Variants in UTRN observed in about 807,000 individuals in gnomAD.
UTRN encodes the protein dystrophin-related protein 1.
Under a neutral mutation model 463.9 loss-of-function variants are expected in UTRN, and 283 were observed. That is an observed-to-expected ratio of 0.61 (90% CI 0.55 to 0.67). The LOEUF (loss-of-function observed/expected upper bound fraction) is 0.67, where lower values mean the gene tolerates loss of function less well. UTRN is among the 30% of genes least tolerant of loss of function. UTRN has a pLI of 0.00. For synonymous variants in UTRN, 1,442 were observed against 1,431.5 expected, an observed-to-expected ratio of 1.01 and a Z score of -0.17; for missense variants, 3,922 against 4,084.3, an observed-to-expected ratio of 0.96 and a Z score of 1.08.
chr6:144,328,003 G>A (rs1776082798), intron 2 of UTRN, among the ~76,000 whole-genome samples: 1 of 152,046 alleles, frequency 6.6e-6, no homozygotes, highest in African/African-American at 2.4e-5. Context: ...GAAGTTAGAT[G>A]GGGCTGAATT....
In UTRN at chr6:144,824,806, C is replaced by T. The variant is rs147049603; in HGVS notation, c.9495-2542C>T. Among the ~76,000 whole-genome samples, 19 of 148,060 alleles carry T rather than the reference C, an allele frequency of 1.3e-4. 1 individual carries two copies. In the East Asian group the frequency reaches 3.0e-3, roughly 23 times the overall value. On this transcript the variant is annotated intron_variant, in intron 66 of 74. Transcript: ENST00000367545. ...GGTGTCCCCCCAGCGTTAAGAATGACGCTGAATGATCTGGCTCCAGACATA... is the reference window on the plus strand; with the variant it reads ...GGTGTCCCCCCAGCGTTAAGAATGATGCTGAATGATCTGGCTCCAGACATA...
Position 144,751,891 on chromosome 6 carries a change from A to G in UTRN, c.8294A>G (p.His2765Arg). The change falls in exon 56 of 75, where the codon CAT becomes CGT. Residue 2765 changes from histidine (H) to arginine (R), a missense_variant. This residue lies in a region of UTRN where 1,309 missense variants were observed against 1,452.6 expected (regional missense o/e 0.90). Transcript: ENST00000367545. ...AGTCAGCTGTCTCCACTTGACCTGC[A>G]TCCCTCTCTAAAGATGTCTCGCCAG... is the stretch of plus-strand genomic sequence containing the variant. The part of the protein sequence containing the change: ...LSSQLSPLDL[H>R]PSLKMSRQLD... The G allele has an allele frequency of 6.2e-7, 1 of 1,612,662 alleles. No individual in the cohort carries two copies. Among genetic ancestry groups the G allele is most frequent in the South Asian group, 1.1e-5 (1 of 90,884 alleles).
intron 18 of UTRN, 139 bp from the exon 19 acceptor site, chr6:144,453,643 G>A (rs1788544822): frequency 1.7e-6 from 1 of 598,864 alleles, no homozygotes. Flanking sequence ...ATGCTTTTTA[G>A]TTGCTATGAT....
rs370819800 is a variant in UTRN, at chr6:144,503,097, T to A, written c.4764+3670T>A. Among the ~76,000 whole-genome samples, 226 of 152,258 alleles carry A rather than the reference T, an allele frequency of 1.5e-3. 2 individuals carry two copies. Among genetic ancestry groups the A allele is most frequent in the African/African-American group, 5.1e-3 (214 of 41,554 alleles). On this transcript the variant is annotated intron_variant, in intron 34 of 74. Transcript: ENST00000367545. ...TCCTTCACCTACTTTTTGATGGAGTTGTTTGTTTTTTTCTTGTAAATTTGT... is the reference window on the plus strand; with the variant it reads ...TCCTTCACCTACTTTTTGATGGAGTAGTTTGTTTTTTTCTTGTAAATTTGT...
At position 144,832,832 on chromosome 6, in the gene UTRN, G is replaced by A. The variant is rs1015328105; in HGVS notation, c.9666-2948G>A. 4.0e-5 allele frequency among the ~76,000 whole-genome samples: 6 copies of A among 151,622 alleles called. No individual in the cohort carries two copies. In the South Asian group the frequency reaches 1.3e-3, roughly 32 times the overall value. On this transcript the variant is annotated intron_variant, in intron 69 of 74. Coordinates refer to ENST00000367545, the MANE Select transcript of UTRN (RefSeq NM_007124.3). Reference sequence around the variant, plus strand: ...TTTGTTTTGTTTGTTGTTTTGTTTTGTTTTTGAGACAGAGTCTCACTCTGT... The same window carrying A: ...TTTGTTTTGTTTGTTGTTTTGTTTTATTTTTGAGACAGAGTCTCACTCTGT...
intron 15 of UTRN, 49 bp downstream of exon 15, chr6:144,447,367 A>G: frequency 6.4e-7 from 1 of 1,552,482 alleles, no homozygotes; most frequent in Non-Finnish European, 8.8e-7. Flanking sequence ...ATGATATCTT[A>G]ATGTTTTATA....
At chr6:144,544,840 T>A (rs543412080) in intron 46 of UTRN, among the ~76,000 whole-genome samples, 5 of 152,212 alleles carry the variant, frequency 3.3e-5, no homozygotes, top group Non-Finnish European at 4.4e-5. Flanking sequence ...CCTCCACTTA[T>A]GCATAGGATC....
At chr6:144,382,793 G>T (rs1040416383) in intron 2 of UTRN, among the ~76,000 whole-genome samples, 1 of 152,162 alleles carries the variant, frequency 6.6e-6, no homozygotes, top group Non-Finnish European at 1.5e-5. Flanking sequence ...TTTAATAAAT[G>T]TCAGTTTTAT....
At position 144,835,350 on chromosome 6, in the gene UTRN, A is replaced by G. The variant is rs891128169; in HGVS notation, c.9666-430A>G. ...ACATAAGGATTATAAACCTTGTCAT[A>G]TGGGTTACAAAGCATTTCAAAGTTA... is the stretch of plus-strand genomic sequence containing the variant. On this transcript the variant is annotated intron_variant, in intron 69 of 74. Transcript: ENST00000367545. Among the ~76,000 whole-genome samples the G allele has an allele frequency of 2.0e-5, 3 of 152,356 alleles. No individual in the cohort carries two copies. In the East Asian group the frequency reaches 5.8e-4, roughly 29 times the overall value.
At chr6:144,592,924 T>C (rs1310209883) in intron 51 of UTRN, among the ~76,000 whole-genome samples, 1 of 152,240 alleles carries the variant, frequency 6.6e-6, no homozygotes, top group East Asian at 1.9e-4. Flanking sequence ...GAATTTCAGA[T>C]ACTGAGAACC....
chr6:144,830,466 A>G (rs955761638), intron 69 of UTRN, among the ~76,000 whole-genome samples: 19 of 152,186 alleles, frequency 1.2e-4, no homozygotes, highest in Non-Finnish European at 2.1e-4. Flanking sequence ...TAATTTATAT[A>G]CATGTATATA....
chr6:144,724,630 A>T lies in UTRN; in HGVS notation c.7810-5727A>T, dbSNP rs185319177. Among the ~76,000 whole-genome samples the T allele has an allele frequency of 1.7e-4, 26 of 151,946 alleles. 1 individual carries two copies. The East Asian group carries it at 5.0e-3, about 29-fold the overall frequency. On this transcript the variant is annotated intron_variant, in intron 53 of 74. Transcript: ENST00000367545. ...CCCAGCCTTAAGCAACGAGTAATCT[A>T]CTTTCTGCCTCTCTAGACTTGCCTG...
At chr6:144,622,172 TTTTTTTTTGTTG>T (rs1321254944) in intron 51 of UTRN, among the ~76,000 whole-genome samples, 75 of 138,096 alleles carry the variant, frequency 5.4e-4, no homozygotes, top group African/African-American at 2.1e-3. Flanking sequence ...ATGGTATCCA[TTTTTTTTTGTTG>T]TTTTTTTTTT....
chr6:144,466,911 G>C (rs1790015468), intron 23 of UTRN, among the ~76,000 whole-genome samples: 1 of 152,120 alleles, frequency 6.6e-6, no homozygotes, highest in Non-Finnish European at 1.5e-5. Context: ...CTGGGTTCAG[G>C]CTCTCATGCA....
chr6:144,841,654 CTATAAT>C (rs1289060782), intron 73 of UTRN, among the ~76,000 whole-genome samples: 1 of 151,950 alleles, frequency 6.6e-6, no homozygotes, highest in African/African-American at 2.4e-5. Flanking sequence ...TTACTTAGTA[CTATAAT>C]TATATTTTAA....
intron 53 of UTRN, among the ~76,000 whole-genome samples, chr6:144,707,775 G>A (rs921145210): frequency 1.5e-4 from 23 of 152,130 alleles, no homozygotes; most frequent in African/African-American, 5.6e-4. Flanking sequence ...GTAATGTTAT[G>A]CTATTAGTCT....
At chr6:144,573,569 G>A (rs887425195) in intron 50 of UTRN, among the ~76,000 whole-genome samples, 3 of 152,026 alleles carry the variant, frequency 2.0e-5, no homozygotes, top group African/African-American at 4.8e-5. Context: ...AGTGGCAGGC[G>A]CCAATAATCC....
At chr6:144,677,173 T>A (rs1404522506) in intron 51 of UTRN, among the ~76,000 whole-genome samples, 1 of 152,192 alleles carries the variant, frequency 6.6e-6, no homozygotes, top group Non-Finnish European at 1.5e-5. Flanking sequence ...TAGGTGTACA[T>A]GTGACATGGT....
chr6:144,777,198 G>T (rs568230666), intron 60 of UTRN, among the ~76,000 whole-genome samples: 7 of 152,248 alleles, frequency 4.6e-5, no homozygotes, highest in Admixed American at 3.9e-4. Context: ...TACTCCAGAA[G>T]ATGTGTCCAA....
Sources: allele counts gnomAD v4.1 joint callset (sites outside exome capture counted in the v4.1 genomes callset), GRCh38; gene constraint gnomAD v4.1.1; regional missense constraint gnomAD v4.1.1; transcripts MANE v1.5; gene names NCBI Gene and HGNC (gene_info 2026-07-23, HGNC 2026-07-21).